UBXN6: variants seen among roughly 807,000 people sequenced by gnomAD.
UBXN6 encodes the protein UBX domain-containing protein 6.
In UBXN6, 44 loss-of-function variants were observed where a neutral mutation model predicts 51.4. The ratio of observed to expected loss-of-function variants is 0.86; its 90% CI spans 0.67 to 1.10. UBXN6 has a LOEUF of 1.10. Ranked by LOEUF, UBXN6 falls within the 50% of genes least tolerant of loss-of-function variation. The pLI, the probability that UBXN6 is intolerant of heterozygous loss-of-function variation, is 0.00. For missense variants in UBXN6, 672 were observed against 596.1 expected, an observed-to-expected ratio of 1.13 and a Z score of -1.32; for synonymous variants, 316 against 263.2, an observed-to-expected ratio of 1.20 and a Z score of -1.94.
In UBXN6 at chr19:4,453,963, C is replaced by A; in HGVS notation, c.214G>T (p.Gly72Cys). Residue 72 changes from glycine to cysteine, a missense_variant, in exon 2 of 11, where the codon GGC becomes TGC. By Grantham distance (159) the Gly-to-Cys change is radical (BLOSUM62 -3). Coordinates refer to ENST00000301281, the MANE Select transcript of UBXN6 (RefSeq NM_025241.3). ...RLEQKQSRAW[G>C]PTSQDTIRNQ... ...CGGATGGTGTCCTGCGATGTGGGGCCCCAGGCCCGGGACTGCTTCTGCTCC... is the reference window on the plus strand; with the variant it reads ...CGGATGGTGTCCTGCGATGTGGGGCACCAGGCCCGGGACTGCTTCTGCTCC... The A allele has an allele frequency of 6.2e-7, 1 of 1,611,154 alleles. No homozygotes were observed. Among genetic ancestry groups the A allele is most frequent in the Non-Finnish European group, 8.5e-7 (1 of 1,179,824 alleles).
At position 4,446,339 on chromosome 19, in the gene UBXN6, C is replaced by T. The variant is rs1449249192; in HGVS notation, c.995G>A (p.Arg332His). The T allele has an allele frequency of 1.2e-5, 19 of 1,569,312 alleles. No individual in the cohort carries two copies. Among genetic ancestry groups the T allele is most frequent in the Admixed American group, 1.1e-4 (6 of 54,792 alleles). The change falls in exon 9 of 11, where the codon CGC becomes CAC. Residue 332 changes from arginine (R) to histidine (H), a missense_variant. Physicochemically the swap from Arg to His is conservative, Grantham distance 29. Coordinates refer to ENST00000301281, the MANE Select transcript of UBXN6 (RefSeq NM_025241.3). ...GCGCAGCAGCGTGTAGTTGTACTTGCGCAGCCCCCGCTGCTCCTCCTTCTC... is the reference window on the plus strand; with the variant it reads ...GCGCAGCAGCGTGTAGTTGTACTTGTGCAGCCCCCGCTGCTCCTCCTTCTC... ...MREKEEQRGL[R>H]KYNYTLLRVR... is the part of the protein sequence containing the mutation.
intron 1 of UBXN6, among the ~76,000 whole-genome samples, chr19:4,455,819 A>G (rs763888668): frequency 6.6e-6 from 1 of 152,054 alleles, no homozygotes; most frequent in Admixed American, 6.6e-5. Flanking sequence ...ATTTCCCCAC[A>G]GCTGAGTCTC....
rs200267132 is a variant in UBXN6 at position 4,446,755 on chromosome 19, T to C, written c.701-36A>G. 1.9e-5 allele frequency: 30 copies of C among 1,611,302 alleles called. No homozygotes were observed. The Admixed American group carries it at 2.5e-4, about 13-fold the overall frequency. ...GCAGGACATGGGTGTCACTGTGCAA[T>C]GGAGAGACCCCCAAGCCGGGCCCTC... On this transcript the variant is annotated intron_variant, in intron 7 of 10. Coordinates refer to ENST00000301281, the MANE Select transcript of UBXN6 (RefSeq NM_025241.3).
chr19:4,457,681 TGAAA>T lies in UBXN6; in HGVS notation c.13_16del (p.Phe5ArgfsTer55). 6.3e-7 allele frequency: 1 copy of T among 1,588,374 alleles called. No individual in the cohort carries two copies. Reference sequence around the variant, plus strand: ...GAACTTGATGTCGGCCTTGAACTCCTGAAAGAATTTCTTCATGGTGGCGGCTGGC... The same window carrying T: ...GAACTTGATGTCGGCCTTGAACTCCTGAATTTCTTCATGGTGGCGGCTGGC... On this transcript the variant is annotated frameshift_variant, in exon 1 of 11. Coordinates refer to ENST00000301281, the MANE Select transcript of UBXN6 (RefSeq NM_025241.3). LOFTEE classifies it high-confidence loss of function.
intron 4 of UBXN6, chr19:4,450,872 C>T (rs1974642150): frequency 1.3e-5 from 2 of 150,562 alleles, no homozygotes. Flanking sequence ...CATGGCCAAT[C>T]CAAAATAAGG....
chr19:4,445,754 G>C lies in UBXN6; in HGVS notation c.1201-131C>G, dbSNP rs1023111336. ...TCTCAGCTGGTGGAGGCTGTGGCTC[G>C]CACCCAGGCCTCCTGCCCTCTCCCT... On this transcript the variant is annotated intron_variant, in intron 10 of 10. Transcript: ENST00000301281. The C allele has an allele frequency of 5.6e-6, 8 of 1,431,472 alleles. No individual in the cohort carries two copies. In the African/African-American group the frequency reaches 5.7e-5, roughly 10 times the overall value. 88.7% of individuals were successfully genotyped at this position (1,431,472 alleles called of 1,614,324 possible).
At chr19:4,453,626 A>G in intron 2 of UBXN6, 104 bp from the exon 3 acceptor site, 1 of 1,366,706 alleles carries the variant, frequency 7.3e-7, no homozygotes, top group Non-Finnish European at 1.0e-6. Context: ...GGCCACGCAC[A>G]CCGCCCCAGC....
Position 4,453,486 on chromosome 19 carries a change from C to G in UBXN6, c.284G>C (p.Gly95Ala). ...GTTGGTCCCTGGGGCCTCGGGGCTCCCGCTGACGGTGGCTTCGGCTTGAAG... is the reference window on the plus strand; with the variant it reads ...GTTGGTCCCTGGGGCCTCGGGGCTCGCGCTGACGGTGGCTTCGGCTTGAAG... ...KELQAEATVS[G>A]SPEAPGTNVV... Residue 95 changes from glycine (G) to alanine (A), a missense_variant, in exon 3 of 11, where the codon GGG (glycine) becomes GCG (alanine). By Grantham distance (60) the Gly-to-Ala change is moderately conservative (BLOSUM62 0). Coordinates refer to ENST00000301281, the MANE Select transcript of UBXN6 (RefSeq NM_025241.3). The G allele has an allele frequency of 6.2e-7, 1 of 1,613,892 alleles. No homozygotes were observed. The highest frequency in any genetic ancestry group is 8.5e-7 in the Non-Finnish European group (1 of 1,179,928).
At position 4,446,902 on chromosome 19, in the gene UBXN6, C is replaced by T. The variant is rs1345593710; in HGVS notation, c.634G>A (p.Glu212Lys). ...KVFQERINCL[E>K]GTHEFFEAIG... ...GCCTCAAAAAACTCGTGGGTCCCTTCCAGGCAGTTAATGCGCTCCTGGGGG... is the reference window on the plus strand; with the variant it reads ...GCCTCAAAAAACTCGTGGGTCCCTTTCAGGCAGTTAATGCGCTCCTGGGGG... Residue 212 changes from glutamate (E) to lysine (K), a missense_variant, in exon 7 of 11, where the codon GAA becomes AAA. Transcript: ENST00000301281. The T allele has an allele frequency of 1.7e-5, 27 of 1,613,844 alleles. No homozygotes were observed. The highest frequency in any genetic ancestry group is 4.5e-5 in the East Asian group (2 of 44,886).
At position 4,446,714 on chromosome 19, in the gene UBXN6, G is replaced by T. The variant is rs762910074; in HGVS notation, c.706C>A (p.Pro236Thr). 6.2e-7 allele frequency: 1 copy of T among 1,608,762 alleles called. No individual in the cohort carries two copies. The highest frequency in any genetic ancestry group is 1.1e-5 in the South Asian group (1 of 90,672). The change falls in exon 8 of 11, where the codon CCC becomes ACC. Residue 236 changes from proline to threonine, a missense_variant. Pro to Thr is a conservative substitution (Grantham distance 38). Coordinates refer to ENST00000301281, the MANE Select transcript of UBXN6 (RefSeq NM_025241.3). Reference protein sequence around the residue: ...VLLPAQDQEDPEEFYVLSETT... With the variant: ...VLLPAQDQEDTEEFYVLSETT... ...TCGCTCAGCACGTAGAACTCCTCGG[G>T]GTCCTCTACAGCGTGGCAGGACATG... is the stretch of plus-strand genomic sequence containing the variant.
At chr19:4,451,151 G>C (rs1195652058) in intron 4 of UBXN6, among the ~76,000 whole-genome samples, 4 of 152,182 alleles carry the variant, frequency 2.6e-5, no homozygotes. Flanking sequence ...CCACCTCCCA[G>C]GTTCAAGCGA....
chr19:4,445,623 C>G lies in UBXN6; in HGVS notation c.1201G>C (p.Val401Leu), dbSNP rs374894185. Residue 401 changes from valine to leucine, a missense_variant and splice_region_variant, in exon 11 of 11, where the codon GTG becomes CTG. Val to Leu is a conservative substitution (Grantham distance 32). Coordinates refer to ENST00000301281, the MANE Select transcript of UBXN6 (RefSeq NM_025241.3). Reference sequence around the variant, plus strand: ...GAGAAGGTCAGGAGGGCAGAGGGCACCTGCGGTAGGGGTAGGCCGTCACTC... The same window carrying G: ...GAGAAGGTCAGGAGGGCAGAGGGCAGCTGCGGTAGGGGTAGGCCGTCACTC... ...ENLALNECGL[V>L]PSALLTFSWD... 2 of 1,612,606 alleles carry G rather than the reference C, an allele frequency of 1.2e-6. No homozygotes were observed. Among genetic ancestry groups the G allele is most frequent in the Non-Finnish European group, 1.7e-6 (2 of 1,179,818 alleles).
At position 4,453,491 on chromosome 19, in the gene UBXN6, G is replaced by A. The variant is rs762216104; in HGVS notation, c.279C>T (p.Val93=). The change falls in exon 3 of 11, where the codon GTC becomes GTT. Residue 93 remains valine, a synonymous_variant. Coordinates refer to ENST00000301281, the MANE Select transcript of UBXN6 (RefSeq NM_025241.3). ...VRKELQAEAT[V]SGSPEAPGTN... ...TCCCTGGGGCCTCGGGGCTCCCGCT[G>A]ACGGTGGCTTCGGCTTGAAGTTCCT... The A allele has an allele frequency of 2.5e-6, 4 of 1,613,932 alleles. No individual in the cohort carries two copies. Among genetic ancestry groups the A allele is most frequent in the Non-Finnish European group, 3.4e-6 (4 of 1,179,952 alleles).
At chr19:4,455,220 C>A (rs1005940305) in intron 1 of UBXN6, 1 of 985,540 alleles carries the variant, frequency 1.0e-6, no homozygotes, top group East Asian at 1.1e-4. Context: ...CATGAACTTA[C>A]GGGCTGTGTC....
intron 10 of UBXN6, 72 bp from the exon 11 acceptor site, chr19:4,445,695 A>G: frequency 6.4e-7 from 1 of 1,570,648 alleles, no homozygotes; most frequent in Admixed American, 1.7e-5. Flanking sequence ...TCAGCGGGCA[A>G]CCTGGGCGCG....
rs1044378498 is a variant in UBXN6 at position 4,447,377 on chromosome 19, T to C, written c.615+173A>G. On this transcript the variant is annotated intron_variant, in intron 6 of 10. Coordinates refer to ENST00000301281, the MANE Select transcript of UBXN6 (RefSeq NM_025241.3). ...TGGGGTGACCGGTGCATAAAAGTCT[T>C]GCTCTCCATCTTGTCCTGCTACCTT... 49 of 654,892 alleles carry C rather than the reference T, an allele frequency of 7.5e-5. No individual in the cohort carries two copies. The Middle Eastern group carries it at 1.2e-3, about 16-fold the overall frequency. 40.6% of individuals were successfully genotyped at this position (654,892 alleles called of 1,614,324 possible).
intron 3 of UBXN6, among the ~76,000 whole-genome samples, chr19:4,453,011 G>A (rs949740226): frequency 2.0e-5 from 3 of 152,162 alleles, no homozygotes; most frequent in South Asian, 2.1e-4. Context: ...GATTCCACCC[G>A]TCTCCACAGA....
At chr19:4,456,508 A>ATCAGTCC (rs1974741582) in intron 1 of UBXN6, among the ~76,000 whole-genome samples, 1 of 148,808 alleles carries the variant, frequency 6.7e-6, no homozygotes, top group Non-Finnish European at 1.5e-5. Context: ...GTCCCTCTCC[A>ATCAGTCC]TCAGTCCCCA....
chr19:4,453,965 C>G lies in UBXN6; in HGVS notation c.212G>C (p.Trp71Ser). The change falls in exon 2 of 11, where the codon TGG (tryptophan) becomes TCG (serine). Residue 71 changes from tryptophan (W) to serine (S), a missense_variant. Physicochemically the swap from Trp to Ser is radical, Grantham distance 177. Transcript: ENST00000301281. ...GATGGTGTCCTGCGATGTGGGGCCC[C>G]AGGCCCGGGACTGCTTCTGCTCCAG... ...ARLEQKQSRA[W>S]GPTSQDTIRN... The G allele has an allele frequency of 6.2e-7, 1 of 1,611,202 alleles. No individual in the cohort carries two copies. Among genetic ancestry groups the G allele is most frequent in the Middle Eastern group, 1.7e-4 (1 of 6,054 alleles).
Sources: gnomAD v4.1 joint callset for allele counts (sites outside exome capture counted in the v4.1 genomes callset) on GRCh38, gnomAD v4.1.1 for gene constraint, MANE v1.5 for transcripts, NCBI Gene and HGNC (gene_info 2026-07-23, HGNC 2026-07-21) for gene names.